The following KCTD1 variants were observed in gnomAD, a reference collection of about 807,000 sequenced individuals.
KCTD1 encodes the protein BTB/POZ domain-containing protein KCTD1.
A neutral mutation model predicts 66.0 loss-of-function variants in KCTD1; 24 were observed. The observed-to-expected ratio is 0.36, with a 90% CI of 0.26 to 0.51. The LOEUF (loss-of-function observed/expected upper bound fraction) is 0.51. Among genes scored for constraint, KCTD1 ranks in the 20% least tolerant of loss-of-function variants. KCTD1 has a pLI of 0.95. For missense variants in KCTD1, 943 were observed against 1,205.2 expected, an observed-to-expected ratio of 0.78 and a Z score of 3.22; for synonymous variants, 511 against 517.2, an observed-to-expected ratio of 0.99 and a Z score of 0.16.
chr18:26,520,937 G>A (rs1026750572), intron 1 of KCTD1, among the ~76,000 whole-genome samples: 20 of 152,324 alleles, frequency 1.3e-4, no homozygotes, highest in African/African-American at 3.4e-4. Flanking sequence ...GCCCAAAGTC[G>A]CTAAGCCTTC....
intron 2 of KCTD1, among the ~76,000 whole-genome samples, chr18:26,479,103 T>C (rs972624442): frequency 1.3e-5 from 2 of 152,110 alleles, no homozygotes; most frequent in African/African-American, 4.8e-5. Context: ...ACTTCCAATG[T>C]AGTTAAAATA....
intron 2 of KCTD1, among the ~76,000 whole-genome samples, chr18:26,477,375 C>T (rs917296504): frequency 5.9e-5 from 9 of 152,110 alleles, no homozygotes; most frequent in Non-Finnish European, 1.0e-4. Flanking sequence ...TTGGAATGAA[C>T]ATTTGTATGG....
chr18:26,518,737 C>T (rs1483365895), intron 1 of KCTD1, among the ~76,000 whole-genome samples: 1 of 152,034 alleles, frequency 6.6e-6, no homozygotes. Flanking sequence ...GAGATGGGTT[C>T]TTGCTATGTT....
chr18:26,499,143 A>G (rs1306492571), intron 2 of KCTD1, among the ~76,000 whole-genome samples: 7 of 152,246 alleles, frequency 4.6e-5, no homozygotes, highest in Admixed American at 1.3e-4. Flanking sequence ...CTGAAGCAAA[A>G]GGCCATCAGA....
At chr18:26,461,479 G>C (rs1980421200) in intron 3 of KCTD1, among the ~76,000 whole-genome samples, 1 of 152,184 alleles carries the variant, frequency 6.6e-6, no homozygotes, top group South Asian at 2.1e-4. Flanking sequence ...TCCTGACCCA[G>C]AGGAGATACT....
chr18:26,485,161 G>A (rs925009666), intron 2 of KCTD1, among the ~76,000 whole-genome samples: 1 of 152,340 alleles, frequency 6.6e-6, no homozygotes, highest in South Asian at 2.1e-4. Flanking sequence ...TGAGGAATAA[G>A]TGGATATCTA....
At chr18:26,626,345 A>G (rs1987500832) in intron 1 of KCTD1, among the ~76,000 whole-genome samples, 1 of 152,176 alleles carries the variant, frequency 6.6e-6, no homozygotes, top group South Asian at 2.1e-4. Context: ...CAAGAAATAA[A>G]TAAATAAGAT....
intron 3 of KCTD1, among the ~76,000 whole-genome samples, chr18:26,467,465 C>G (rs1326297843): frequency 6.6e-6 from 1 of 152,162 alleles, no homozygotes; most frequent in East Asian, 1.9e-4. Flanking sequence ...CTGCAGTGAG[C>G]TATGATTGCA....
At chr18:26,516,679 C>A (rs1027674200) in intron 1 of KCTD1, among the ~76,000 whole-genome samples, 1 of 152,206 alleles carries the variant, frequency 6.6e-6, no homozygotes, top group Non-Finnish European at 1.5e-5. Context: ...CTTTTCCTAT[C>A]AACTCCCCAC....
At chr18:26,513,497 G>A (rs1201000991) in intron 1 of KCTD1, among the ~76,000 whole-genome samples, 1 of 152,158 alleles carries the variant, frequency 6.6e-6, no homozygotes, top group Non-Finnish European at 1.5e-5. Context: ...CAAACTATTT[G>A]TGGCACTTCT....
At chr18:26,625,757 A>G (rs955549264) in intron 1 of KCTD1, among the ~76,000 whole-genome samples, 1 of 152,194 alleles carries the variant, frequency 6.6e-6, no homozygotes, top group African/African-American at 2.4e-5. Flanking sequence ...ATCTTCATGC[A>G]TTTAAGTTTT....
intron 1 of KCTD1, among the ~76,000 whole-genome samples, chr18:26,650,397 T>G (rs1445690402): frequency 6.6e-6 from 1 of 152,222 alleles, no homozygotes; most frequent in Non-Finnish European, 1.5e-5. Context: ...AAAGCAAAGG[T>G]GAATAAACAC....
chr18:26,457,152 G>A (rs928079057), intron 4 of KCTD1: 10 of 150,770 alleles, frequency 6.6e-5, no homozygotes, highest in African/African-American at 2.4e-4. Context: ...TCAAGTGCTG[G>A]CAAATTAAAA....
intron 1 of KCTD1, among the ~76,000 whole-genome samples, chr18:26,507,826 G>A (rs1983123544): frequency 6.6e-6 from 1 of 152,102 alleles, no homozygotes; most frequent in Admixed American, 6.5e-5. Context: ...CAGGCAGGAC[G>A]ATGACAAAGA....
upstream of KCTD1, among the ~76,000 whole-genome samples, chr18:26,644,082 A>G (rs1429208727): frequency 6.6e-6 from 1 of 152,048 alleles, no homozygotes. Context: ...ACTTAATCCT[A>G]TCTGATTTGG....
At chr18:26,517,963 A>G (rs1168710107) in intron 1 of KCTD1, among the ~76,000 whole-genome samples, 1 of 152,218 alleles carries the variant, frequency 6.6e-6, no homozygotes, top group African/African-American at 2.4e-5. Flanking sequence ...AAGTCCCCCA[A>G]CCAGGGCAAA....
chr18:26,489,549 T>A (rs1042987834), intron 2 of KCTD1, among the ~76,000 whole-genome samples: 1 of 152,238 alleles, frequency 6.6e-6, no homozygotes, highest in African/African-American at 2.4e-5. Context: ...GCCTGTTTTT[T>A]TTCTTTCAAT....
intron 1 of KCTD1, chr18:26,600,085 G>A: frequency 6.2e-7 from 1 of 1,610,978 alleles, no homozygotes; most frequent in Non-Finnish European, 8.5e-7. Flanking sequence ...GAAGAAGCCA[G>A]ATCCGGCTTC....
chr18:26,479,465 TG>T (rs1250880804), intron 2 of KCTD1, among the ~76,000 whole-genome samples: 1 of 152,014 alleles, frequency 6.6e-6, no homozygotes. Flanking sequence ...CCAGACCCGA[TG>T]GAAGGGGCTG....
Sources: allele counts gnomAD v4.1 joint callset (sites outside exome capture counted in the v4.1 genomes callset), GRCh38; gene constraint gnomAD v4.1.1; transcripts MANE v1.5; gene names NCBI Gene and HGNC (gene_info 2026-07-23, HGNC 2026-07-21).